The following TECRL variants were observed in gnomAD, a reference collection of about 807,000 sequenced individuals.
The protein encoded by TECRL is trans-2,3-enoyl-CoA reductase-like.
In TECRL, 63 loss-of-function variants were observed where a neutral mutation model predicts 52.8. The ratio of observed to expected loss-of-function variants is 1.19; its 90% confidence interval spans 0.97 to 1.47. The LOEUF (loss-of-function observed/expected upper bound fraction) is 1.47, where lower values mean the gene tolerates loss of function less well. TECRL is among the 40% of genes most tolerant of loss of function. The pLI, the probability that TECRL is intolerant of heterozygous loss-of-function variation, is 0.00. For synonymous variants in TECRL, 164 were observed against 141.9 expected, an observed-to-expected ratio of 1.16 and a Z score of -1.10; for missense variants, 482 against 429.6, an observed-to-expected ratio of 1.12 and a Z score of -1.08.
chr4:64,392,771 T>A (rs1199064293), intron 1 of TECRL, among the ~76,000 whole-genome samples: 1 of 151,972 alleles, frequency 6.6e-6, no homozygotes, highest in Non-Finnish European at 1.5e-5. Context: ...TTTTTCTAGA[T>A]CAGCAATTTC....
chr4:64,394,989 C>T (rs1723830755), intron 1 of TECRL, among the ~76,000 whole-genome samples: 1 of 148,878 alleles, frequency 6.7e-6, no homozygotes, highest in African/African-American at 2.5e-5. Flanking sequence ...CTCAGCTCAC[C>T]ACAACCTTTG....
chr4:64,394,026 T>A (rs1261935460), intron 1 of TECRL, among the ~76,000 whole-genome samples: 2 of 152,124 alleles, frequency 1.3e-5, no homozygotes, highest in Non-Finnish European at 2.9e-5. Context: ...TAATTTAGTT[T>A]TTCCTTCTTC....
intron 2 of TECRL, among the ~76,000 whole-genome samples, chr4:64,359,819 T>A (rs1373779599): frequency 2.6e-5 from 4 of 152,222 alleles, no homozygotes; most frequent in Non-Finnish European, 4.4e-5. Context: ...CCGACGACAT[T>A]AATATATAGC....
intron 6 of TECRL, among the ~76,000 whole-genome samples, chr4:64,307,335 G>T (rs568547044): frequency 6.6e-6 from 1 of 152,258 alleles, no homozygotes; most frequent in Admixed American, 6.5e-5. Context: ...CCCAAAGGTG[G>T]TCAACACTGG....
rs536596491 is a variant in TECRL, at chr4:64,400,323, G to T, written c.234+8795C>A. On this transcript the variant is annotated intron_variant, in intron 1 of 11. Transcript: ENST00000381210. The stretch of plus-strand genomic sequence containing the variant: ...AATGCTTGTACCTCCATTGTATCTT[G>T]CATGTAACTAACTTGTTTTTGATTT... Among the ~76,000 whole-genome samples the T allele has an allele frequency of 2.6e-5, 4 of 152,220 alleles. No individual in the cohort carries two copies. The South Asian group carries it at 8.3e-4, about 32-fold the overall frequency.
intron 2 of TECRL, among the ~76,000 whole-genome samples, chr4:64,333,864 CA>C (rs370827407): frequency 0.26 from 33,681 of 129,018 alleles, 5,878 homozygotes; most frequent in African/African-American, 0.37. Flanking sequence ...ACTAAAAATA[CA>C]AAAAAAAAAT....
intron 4 of TECRL, among the ~76,000 whole-genome samples, chr4:64,316,298 C>G (rs1717490767): frequency 1.3e-5 from 2 of 152,016 alleles, no homozygotes; most frequent in South Asian, 4.1e-4. Context: ...AATCTTATCT[C>G]AATCATCTCT....
In TECRL at chr4:64,317,005, G is replaced by A. The variant is rs556497301; in HGVS notation, c.436-2242C>T. On this transcript the variant is annotated intron_variant, in intron 4 of 11. Transcript: ENST00000381210. ...TGAAAAAGGTAATAATCGGCCAGGC[G>A]CTGTGGCTCTCGCCTGTAATCCCAG... Among the ~76,000 whole-genome samples, 3 of 152,246 alleles carry A rather than the reference G, an allele frequency of 2.0e-5. No individual in the cohort carries two copies. In the South Asian group the frequency reaches 6.2e-4, roughly 32 times the overall value.
intron 1 of TECRL, among the ~76,000 whole-genome samples, chr4:64,403,414 A>G (rs1022540682): frequency 2.0e-5 from 3 of 151,750 alleles, no homozygotes; most frequent in African/African-American, 7.3e-5. Context: ...TCTGCACTCA[A>G]AATAAGAAAG....
intron 6 of TECRL, among the ~76,000 whole-genome samples, chr4:64,307,664 T>C (rs1051009851): frequency 5.3e-5 from 8 of 152,156 alleles, no homozygotes; most frequent in Admixed American, 2.0e-4. Flanking sequence ...CAGACCCTAA[T>C]GTTCACTCTG....
chr4:64,352,978 T>C (rs1338143099), intron 2 of TECRL, among the ~76,000 whole-genome samples: 2 of 152,176 alleles, frequency 1.3e-5, no homozygotes, highest in African/African-American at 4.8e-5. Flanking sequence ...CTCAGCCTCC[T>C]GAGTAGCTTG....
At chr4:64,391,078 G>T (rs2109746362) in intron 1 of TECRL, among the ~76,000 whole-genome samples, 1 of 151,786 alleles carries the variant, frequency 6.6e-6, no homozygotes, top group Middle Eastern at 3.4e-3. Context: ...TTAACTATGT[G>T]GATTGCATGC....
chr4:64,307,092 C>A (rs979662874), intron 6 of TECRL, among the ~76,000 whole-genome samples: 1 of 152,106 alleles, frequency 6.6e-6, no homozygotes, highest in South Asian at 2.1e-4. Flanking sequence ...GTTTAACAAC[C>A]CCTGGGCAGG....
At chr4:64,338,241 G>T (rs905510301) in intron 2 of TECRL, among the ~76,000 whole-genome samples, 1 of 152,164 alleles carries the variant, frequency 6.6e-6, no homozygotes, top group African/African-American at 2.4e-5. Context: ...GTAGAAAGCT[G>T]AAACTGGATC....
chr4:64,314,783 T>A lies in TECRL; in HGVS notation c.436-20A>T, dbSNP rs778810647. 6.7e-7 allele frequency: 1 copy of A among 1,501,558 alleles called. No homozygotes were observed. Among genetic ancestry groups the A allele is most frequent in the Admixed American group, 1.7e-5 (1 of 59,782 alleles). The allele number at this position is 1,501,558 out of a possible 1,614,324, so 93.0% of individuals were successfully genotyped here. A position where few individuals can be genotyped will look rare whatever the true frequency, so the allele number is the denominator to read the frequency against. On this transcript the variant is annotated intron_variant, in intron 4 of 11. Coordinates refer to ENST00000381210, the MANE Select transcript of TECRL (RefSeq NM_001010874.5). ...AAACACCTGAAAATAAAACATGATT[T>A]AGATTAAACGATAAAAATAGATGTT...
chr4:64,369,058 G>A (rs748907965), intron 2 of TECRL, among the ~76,000 whole-genome samples: 36 of 152,218 alleles, frequency 2.4e-4, no homozygotes, highest in Non-Finnish European at 1.3e-4. Context: ...TAGACAAGTA[G>A]TCTGATAGAT....
rs966437961 is a variant in TECRL at position 64,409,171 on chromosome 4, C to T, written c.181G>A (p.Glu61Lys). 2.5e-6 allele frequency: 4 copies of T among 1,613,606 alleles called. No homozygotes were observed. The highest frequency in any genetic ancestry group is 1.7e-4 in the Middle Eastern group (1 of 5,994). The change falls in exon 1 of 12, where the codon GAG becomes AAG. Residue 61 changes from glutamate to lysine, a missense_variant. By Grantham distance (56) the Glu-to-Lys change is moderately conservative. Coordinates refer to ENST00000381210, the MANE Select transcript of TECRL (RefSeq NM_001010874.5). Reference sequence around the variant, plus strand: ...GTTTGAGCATCAAATATTTCAATCTCAAAGTGAGTCGTTTTTGAATGTTTG... The same window carrying T: ...GTTTGAGCATCAAATATTTCAATCTTAAAGTGAGTCGTTTTTGAATGTTTG... ...AVKHSKTTHFEIEIFDAQTRK... is the reference protein window; with the variant it reads ...AVKHSKTTHFKIEIFDAQTRK...
chr4:64,360,809 C>G (rs1721135571), intron 2 of TECRL, among the ~76,000 whole-genome samples: 1 of 152,126 alleles, frequency 6.6e-6, no homozygotes, highest in South Asian at 2.1e-4. Context: ...GTTCTGGAAT[C>G]CCAGCGGTGA....
Position 64,386,757 on chromosome 4 carries a change from G to A in TECRL, c.235-11534C>T, listed in dbSNP as rs565324509. On this transcript the variant is annotated intron_variant, in intron 1 of 11. Transcript: ENST00000381210. ...TTAAAATCAATTTGTTTTGTTTTGC[G>A]TTATTTTATAATAGGCTTCATTTTA... 7.9e-5 allele frequency among the ~76,000 whole-genome samples: 12 copies of A among 152,120 alleles called. No homozygotes were observed. In the East Asian group the frequency reaches 1.4e-3, roughly 17 times the overall value.
Sources: allele counts gnomAD v4.1 joint callset (sites outside exome capture counted in the v4.1 genomes callset), GRCh38; gene constraint gnomAD v4.1.1; transcripts MANE v1.5; gene names NCBI Gene and HGNC (gene_info 2026-07-23, HGNC 2026-07-21).